CSMD1: variants seen among roughly 807,000 people sequenced by gnomAD.
CSMD1 encodes the protein CUB and Sushi multiple domains 1.
CSMD1 carries 213 observed loss-of-function variants against 417.5 expected under a neutral mutation model. That is an observed-to-expected ratio of 0.51 (90% CI 0.46 to 0.57). CSMD1 has a LOEUF of 0.57. Among genes scored for constraint, CSMD1 ranks in the 20% least tolerant of loss-of-function variants. The pLI, the probability that CSMD1 is intolerant of heterozygous loss-of-function variation, is 0.00. For missense variants in CSMD1, 6,923 were observed against 4,529.7 expected (o/e 1.53, Z -15.17); for synonymous variants, 2,862 against 1,736.8 (o/e 1.65, Z -16.11).
At chr8:4,343,622 T>G (rs1046127981) in intron 3 of CSMD1, among the ~76,000 whole-genome samples, 4 of 152,104 alleles carry the variant, frequency 2.6e-5, no homozygotes, top group African/African-American at 7.2e-5. Context: ...AAAAGCAGAC[T>G]ATGTGCACTA....
At chr8:4,793,155 A>G (rs1428124041) in intron 1 of CSMD1, among the ~76,000 whole-genome samples, 3 of 152,162 alleles carry the variant, frequency 2.0e-5, no homozygotes, top group African/African-American at 7.2e-5. Flanking sequence ...CAAATTCTTT[A>G]ACCTTCAATG....
At chr8:3,405,696 T>A (rs557299980) in intron 15 of CSMD1, among the ~76,000 whole-genome samples, 1 of 152,042 alleles carries the variant, frequency 6.6e-6, no homozygotes, top group Non-Finnish European at 1.5e-5. Flanking sequence ...CAGGGAGAGC[T>A]CCTTTTGAGT....
At chr8:3,794,961 T>C (rs1799960235) in intron 5 of CSMD1, among the ~76,000 whole-genome samples, 1 of 151,930 alleles carries the variant, frequency 6.6e-6, no homozygotes, top group Non-Finnish European at 1.5e-5. Context: ...TATATATCTA[T>C]CATGTATAGC....
intron 3 of CSMD1, among the ~76,000 whole-genome samples, chr8:4,339,625 C>T (rs1041310365): frequency 6.6e-6 from 1 of 152,064 alleles, no homozygotes. Flanking sequence ...TGATTACCTG[C>T]CCACATAGGA....
At chr8:4,152,021 T>C (rs535981068) in intron 3 of CSMD1, among the ~76,000 whole-genome samples, 1 of 152,256 alleles carries the variant, frequency 6.6e-6, no homozygotes, top group South Asian at 2.1e-4. Flanking sequence ...AATCAATGTG[T>C]TTAGCTCGAT....
At chr8:3,307,888 T>C in intron 24 of CSMD1, 67 bp from the exon 25 acceptor site, 1 of 1,556,742 alleles carries the variant, frequency 6.4e-7, no homozygotes, top group East Asian at 2.3e-5. Context: ...TTAGCTACTT[T>C]TCAAAACCAA....
chr8:3,827,761 T>C (rs1398797591), intron 5 of CSMD1, among the ~76,000 whole-genome samples: 2 of 152,292 alleles, frequency 1.3e-5, no homozygotes, highest in East Asian at 1.9e-4. Flanking sequence ...TAATGAATAG[T>C]TGATTGGGAA....
intron 3 of CSMD1, among the ~76,000 whole-genome samples, chr8:4,343,735 A>G (rs749603177): frequency 2.0e-5 from 3 of 152,022 alleles, no homozygotes; most frequent in Non-Finnish European, 2.9e-5. Flanking sequence ...CCATAAGGAA[A>G]TATCATCTTG....
chr8:4,657,943 C>T (rs1266605950), intron 1 of CSMD1, among the ~76,000 whole-genome samples: 2 of 151,638 alleles, frequency 1.3e-5, no homozygotes, highest in Non-Finnish European at 2.9e-5. Context: ...ATAACTGATG[C>T]TATAAACTCA....
At chr8:4,144,012 G>T (rs898031337) in intron 3 of CSMD1, among the ~76,000 whole-genome samples, 1 of 151,272 alleles carries the variant, frequency 6.6e-6, no homozygotes. Flanking sequence ...GTGGAAGGAG[G>T]AGGGCTATAG....
At chr8:3,837,517 G>A (rs1324616910) in intron 5 of CSMD1, among the ~76,000 whole-genome samples, 1 of 152,114 alleles carries the variant, frequency 6.6e-6, no homozygotes, top group Non-Finnish European at 1.5e-5. Flanking sequence ...TGAGGATGCA[G>A]AGACATTTAA....
intron 1 of CSMD1, among the ~76,000 whole-genome samples, chr8:4,988,975 G>T (rs1199096998): frequency 1.3e-5 from 2 of 152,146 alleles, no homozygotes; most frequent in African/African-American, 2.4e-5. Flanking sequence ...AAGGACTAAA[G>T]TCCATCCAAA....
rs139538954 is a variant in CSMD1, at chr8:4,913,913, C to T, written c.85+80419G>A. 4.7e-3 allele frequency among the ~76,000 whole-genome samples: 722 copies of T among 152,184 alleles called. 5 individuals are homozygous for T. Among genetic ancestry groups the T allele is most frequent in the African/African-American group, 0.016 (679 of 41,520 alleles). ...TACTGTGCATCCTTCTTAATTAATGCGATTACCAAAGGAATGTATACAAAA... is the reference window on the plus strand; with the variant it reads ...TACTGTGCATCCTTCTTAATTAATGTGATTACCAAAGGAATGTATACAAAA... On this transcript the variant is annotated intron_variant, in intron 1 of 69. Transcript: ENST00000635120.
chr8:3,978,528 T>G (rs2554718), intron 5 of CSMD1, among the ~76,000 whole-genome samples: 38,727 of 151,946 alleles, frequency 0.25, 5,019 homozygotes, highest in East Asian at 0.35. Context: ...GAAACACACT[T>G]ATGTGAGTTT....
chr8:3,540,888 G>A (rs7834368), intron 10 of CSMD1, among the ~76,000 whole-genome samples: 43,574 of 152,080 alleles, frequency 0.29, 7,457 homozygotes, highest in East Asian at 0.42. Context: ...AACAGATGCC[G>A]GCGAGGCTGT....
intron 2 of CSMD1, among the ~76,000 whole-genome samples, chr8:4,544,079 T>C (rs182888099): frequency 4.0e-4 from 61 of 152,336 alleles, no homozygotes; most frequent in African/African-American, 1.4e-3. Flanking sequence ...GTGGCTTGCC[T>C]TTTATTCTTT....
At chr8:4,105,180 C>A (rs1030323121) in intron 3 of CSMD1, among the ~76,000 whole-genome samples, 1 of 152,090 alleles carries the variant, frequency 6.6e-6, no homozygotes, top group African/African-American at 2.4e-5. Context: ...TCCATGGATG[C>A]CATACATCCT....
At chr8:4,726,307 G>C (rs146144750) in intron 1 of CSMD1, among the ~76,000 whole-genome samples, 2 of 151,114 alleles carry the variant, frequency 1.3e-5, no homozygotes, top group East Asian at 1.9e-4. Context: ...AGTGGGTAGC[G>C]GGTTCTTTAA....
At chr8:4,234,094 C>G (rs540421233) in intron 3 of CSMD1, among the ~76,000 whole-genome samples, 27 of 152,272 alleles carry the variant, frequency 1.8e-4, no homozygotes, top group African/African-American at 5.5e-4. Context: ...CTAACCTACA[C>G]AAGTACATCA....
Sources: gnomAD v4.1 joint callset for allele counts (sites outside exome capture counted in the v4.1 genomes callset) on GRCh38, gnomAD v4.1.1 for gene constraint, MANE v1.5 for transcripts, NCBI Gene and HGNC (gene_info 2026-07-23, HGNC 2026-07-21) for gene names.